The following SLC9A1 variants were observed in gnomAD, a reference collection of about 807,000 sequenced individuals.
SLC9A1 encodes the protein solute carrier family 9 member A1.
A neutral mutation model predicts 67.9 loss-of-function variants in SLC9A1; 22 were observed. That is an observed-to-expected ratio of 0.32 (90% CI 0.23 to 0.46). SLC9A1 has a LOEUF of 0.46. Ranked by LOEUF, SLC9A1 falls within the 20% of genes least tolerant of loss-of-function variation. The probability of loss-of-function intolerance (pLI) is 1.00; values close to 1 mark genes in which losing one functional copy is unlikely to be tolerated. For missense variants in SLC9A1, 686 were observed against 1,094.8 expected (o/e 0.63, Z 5.27); for synonymous variants, 421 against 471.8 (o/e 0.89, Z 1.40).
chr1:27,154,008 G>T lies in SLC9A1; in HGVS notation c.327C>A (p.Ile109=). ...VRTPFEISLW[I]LLACLMKIGF... ...CTATCTTCATGAGGCAGGCCAGAAG[G>T]ATCCAGAGGGAGATCTCGAAGGGGG... The change falls in exon 1 of 12, where the codon ATC becomes ATA. Residue 109 remains isoleucine (I), a synonymous_variant. Coordinates refer to ENST00000263980, the MANE Select transcript of SLC9A1 (RefSeq NM_003047.5). The T allele has an allele frequency of 1.3e-6, 2 of 1,579,518 alleles. No homozygotes were observed. The highest frequency in any genetic ancestry group is 1.2e-5 in the South Asian group (1 of 85,750).
At chr1:27,130,834 T>A (rs1422962923) in intron 1 of SLC9A1, among the ~76,000 whole-genome samples, 3 of 152,206 alleles carry the variant, frequency 2.0e-5, no homozygotes, top group African/African-American at 4.8e-5. Flanking sequence ...GGTTAACTGC[T>A]TCCTGCTGGC....
At chr1:27,113,413 G>A (rs946805082) in intron 2 of SLC9A1, among the ~76,000 whole-genome samples, 10 of 152,094 alleles carry the variant, frequency 6.6e-5, no homozygotes, top group South Asian at 4.1e-4. Context: ...AGTTATGACC[G>A]TACCAGTTCA....
Position 27,108,664 on chromosome 1 carries a change from C to A in SLC9A1, c.1065-799G>T, listed in dbSNP as rs1024625380. Among the ~76,000 whole-genome samples, 20 of 151,884 alleles carry A rather than the reference C, an allele frequency of 1.3e-4. 1 individual carries two copies. On this transcript the variant is annotated intron_variant, in intron 3 of 11. Coordinates refer to ENST00000263980, the MANE Select transcript of SLC9A1 (RefSeq NM_003047.5). Reference sequence around the variant, plus strand: ...AGCCTGGGTGACAAGAGTGGGACCCCGTCTCAAATAAAAAAATGAGAGATC... The same window carrying A: ...AGCCTGGGTGACAAGAGTGGGACCCAGTCTCAAATAAAAAAATGAGAGATC...
chr1:27,103,663 C>T (rs886925292), intron 5 of SLC9A1: 2 of 315,210 alleles, frequency 6.3e-6, no homozygotes, highest in African/African-American at 4.2e-5. Flanking sequence ...GGGAAAACTA[C>T]CTCTGCACTG....
chr1:27,100,672 G>C lies in SLC9A1; in HGVS notation c.2111-28C>G. 6.4e-7 allele frequency: 1 copy of C among 1,568,814 alleles called. No homozygotes were observed. The highest frequency in any genetic ancestry group is 1.2e-5 in the South Asian group (1 of 84,440). On this transcript the variant is annotated intron_variant, in intron 11 of 11. Transcript: ENST00000263980. This position sits in a 1 kb window ranked among gnomAD's most constrained non-coding sequence, Gnocchi z 5.6. Reference sequence around the variant, plus strand: ...GGGGACCAAGAGCAAGGCACAAGCTGGGTTCCGCTCTGGAGCCCGGCCCAG... The same window carrying C: ...GGGGACCAAGAGCAAGGCACAAGCTCGGTTCCGCTCTGGAGCCCGGCCCAG...
chr1:27,150,268 G>T (rs553018888), intron 1 of SLC9A1, among the ~76,000 whole-genome samples: 1 of 152,112 alleles, frequency 6.6e-6, no homozygotes, highest in Admixed American at 6.5e-5. Flanking sequence ...GATTCGCCTT[G>T]CAAAGACCAA....
In SLC9A1 at chr1:27,101,838, A is replaced by T; in HGVS notation, c.1936-12T>A. 1.2e-6 allele frequency: 2 copies of T among 1,600,626 alleles called. No individual in the cohort carries two copies. The highest frequency in any genetic ancestry group is 1.7e-6 in the Non-Finnish European group (2 of 1,170,086). On this transcript the variant is annotated splice_polypyrimidine_tract_variant and intron_variant, in intron 9 of 11. Transcript: ENST00000263980. This position sits in a 1 kb window ranked among gnomAD's most constrained non-coding sequence, Gnocchi z 4.9. ...TTGTAGGACCGCAGCTGTGGGAGGGACAGCGTCAGGGCAGTGCGGGCCCCG... is the reference window on the plus strand; with the variant it reads ...TTGTAGGACCGCAGCTGTGGGAGGGTCAGCGTCAGGGCAGTGCGGGCCCCG...
chr1:27,139,673 G>A lies in SLC9A1; in HGVS notation c.352+14310C>T, dbSNP rs115609922. Among the ~76,000 whole-genome samples, 656 of 152,232 alleles carry A rather than the reference G, an allele frequency of 4.3e-3. 2 individuals carry two copies. The highest frequency in any genetic ancestry group is 0.015 in the African/African-American group (630 of 41,538). On this transcript the variant is annotated intron_variant, in intron 1 of 11. Transcript: ENST00000263980. ...TGTTTGGGGGTGAGGTGGAAGGGTT[G>A]GAAACATCCCAATGAGTTTTAGAAG... is the stretch of plus-strand genomic sequence containing the variant.
intron 1 of SLC9A1, among the ~76,000 whole-genome samples, chr1:27,141,868 A>T (rs1055040805): frequency 4.6e-5 from 7 of 152,128 alleles, no homozygotes; most frequent in African/African-American, 1.7e-4. Context: ...GCCACCGGGG[A>T]GATAAGATCT....
Position 27,154,294 on chromosome 1 carries a change from C to G in SLC9A1, c.41G>C (p.Arg14Pro). 6.2e-7 allele frequency: 1 copy of G among 1,608,266 alleles called. No individual in the cohort carries two copies. The highest frequency in any genetic ancestry group is 8.5e-7 in the Non-Finnish European group (1 of 1,176,576). The change falls in exon 1 of 12, where the codon CGG becomes CCG. Residue 14 changes from arginine (R) to proline (P), a missense_variant. By Grantham distance (103) the Arg-to-Pro change is moderately radical (BLOSUM62 -2). This residue lies in a region of SLC9A1 where 143 missense variants were observed against 166.7 expected (regional missense o/e 0.86). Transcript: ENST00000263980. ...CACCACGAGTAAGGAAGGGAAGATC[C>G]GATGTGGAGAGAGGCCACAGATGCC... ...RSGICGLSPH[R>P]IFPSLLVVVA... is the part of the protein sequence containing the mutation.
At position 27,106,762 on chromosome 1, in the gene SLC9A1, C is replaced by T. The variant is rs975171067; in HGVS notation, c.1283-675G>A. Among the ~76,000 whole-genome samples the T allele has an allele frequency of 7.9e-5, 12 of 152,132 alleles. No homozygotes were observed. The highest frequency in any genetic ancestry group is 2.2e-4 in the African/African-American group (9 of 41,476). On this transcript the variant is annotated intron_variant, in intron 4 of 11. Coordinates refer to ENST00000263980, the MANE Select transcript of SLC9A1 (RefSeq NM_003047.5). This position sits in a 1 kb window ranked among gnomAD's most constrained non-coding sequence, Gnocchi z 4.3. The stretch of plus-strand genomic sequence containing the variant: ...TGCTGCATAGGTTTGGAGGACTGCA[C>T]GTGGCTCTGCATGCGATTCGGCACA...
rs140421297 is a variant in SLC9A1 at position 27,101,749 on chromosome 1, C to T, written c.2013G>A (p.Gln671=). 35 of 1,612,998 alleles carry T rather than the reference C, an allele frequency of 2.2e-5. No individual in the cohort carries two copies. In the African/African-American group the frequency reaches 4.5e-4, roughly 21 times the overall value. ...EAWNQMLLRR[Q]KARQLEQKIN... ...CCTTCTGCTCCAGCTGCCGGGCCTT[C>T]TGCCTCCGGAGCAGCATCTGGTTCC... The change falls in exon 10 of 12, where the codon CAG becomes CAA. Residue 671 remains glutamine (Q), a synonymous_variant. Coordinates refer to ENST00000263980, the MANE Select transcript of SLC9A1 (RefSeq NM_003047.5). The surrounding 1 kb of genome is among the most constrained non-coding windows in gnomAD (Gnocchi z 4.9).
At chr1:27,144,342 A>C (rs2083468809) in intron 1 of SLC9A1, among the ~76,000 whole-genome samples, 1 of 152,212 alleles carries the variant, frequency 6.6e-6, no homozygotes, top group Admixed American at 6.5e-5. Context: ...AATTGAGGGC[A>C]GACCAAACAG....
chr1:27,101,940 G>A lies in SLC9A1; in HGVS notation c.1935+76C>T. 7.0e-7 allele frequency: 1 copy of A among 1,422,700 alleles called. No homozygotes were observed. Among genetic ancestry groups the A allele is most frequent in the Non-Finnish European group, 9.9e-7 (1 of 1,010,370 alleles). 88.1% of individuals were successfully genotyped at this position (1,422,700 alleles called of 1,614,324 possible). A position where few individuals can be genotyped will look rare whatever the true frequency, so the allele number is the denominator to read the frequency against. On this transcript the variant is annotated intron_variant, in intron 9 of 11. Coordinates refer to ENST00000263980, the MANE Select transcript of SLC9A1 (RefSeq NM_003047.5). The surrounding 1 kb of genome is among the most constrained non-coding windows in gnomAD (Gnocchi z 4.9). ...CTGGGGTGGGTGCCGAGGGGCACGG[G>A]CAGGGCAGGGCTGCCGTAGAGAGGG... is the stretch of plus-strand genomic sequence containing the variant.
At position 27,099,730 on chromosome 1, in the gene SLC9A1, T is replaced by G. The variant is rs1451505234; in HGVS notation, c.*577A>C. 1 of 152,428 alleles carries G rather than the reference T, an allele frequency of 6.6e-6. No homozygotes were observed. Among genetic ancestry groups the G allele is most frequent in the Non-Finnish European group, 1.5e-5 (1 of 68,200 alleles). The allele number at this position is 152,428 out of a possible 1,614,324, so 9.4% of individuals were successfully genotyped here. On this transcript the variant is annotated 3_prime_UTR_variant, in exon 12 of 12. Transcript: ENST00000263980. ...CCACCCCTGCTCCAGGCAGAGACAC[T>G]CAGAGATGCCCTCAGCCCGCAGCTC...
chr1:27,128,174 A>G (rs933043934), intron 1 of SLC9A1, among the ~76,000 whole-genome samples: 28 of 152,168 alleles, frequency 1.8e-4, no homozygotes, highest in Non-Finnish European at 4.1e-4. Flanking sequence ...CTGGTCCATC[A>G]ATGAGGGAGG....
chr1:27,122,154 G>C (rs543889047), intron 1 of SLC9A1, among the ~76,000 whole-genome samples: 1 of 152,066 alleles, frequency 6.6e-6, no homozygotes, highest in East Asian at 1.9e-4. Context: ...CCCAGTGCAG[G>C]TGTCACCTCC....
chr1:27,103,843 T>A (rs369723296), intron 5 of SLC9A1: 1 of 155,468 alleles, frequency 6.4e-6, no homozygotes, highest in Non-Finnish European at 1.4e-5. Context: ...ATTTAACAGA[T>A]GCAGAAACTG....
At position 27,109,612 on chromosome 1, in the gene SLC9A1, G is replaced by A; in HGVS notation, c.979C>T (p.Arg327Trp). The change falls in exon 3 of 12, where the codon CGG (arginine) becomes TGG (tryptophan). Residue 327 changes from arginine (R) to tryptophan (W), a missense_variant. This residue lies in a region of SLC9A1 where 58 missense variants were observed against 68.9 expected (regional missense o/e 0.84). Transcript: ENST00000263980. The surrounding 1 kb of genome is among the most constrained non-coding windows in gnomAD (Gnocchi z 5.5). ...AFTSRFTSHI[R>W]VIEPLFVFLY... ...AAGACGAAGAGCGGCTCGATGACCCGGATGTGGGAGGTAAATCGGGAGGTG... is the reference window on the plus strand; with the variant it reads ...AAGACGAAGAGCGGCTCGATGACCCAGATGTGGGAGGTAAATCGGGAGGTG... The A allele has an allele frequency of 6.2e-7, 1 of 1,613,834 alleles. No individual in the cohort carries two copies. Among genetic ancestry groups the A allele is most frequent in the Non-Finnish European group, 8.5e-7 (1 of 1,179,960 alleles).
Sources: gnomAD v4.1 joint callset for allele counts (sites outside exome capture counted in the v4.1 genomes callset) on GRCh38, gnomAD v4.1.1 for gene constraint, gnomAD v4.1.1 regional missense constraint, Gnocchi (gnomAD v3.1) non-coding constraint, MANE v1.5 for transcripts, NCBI Gene and HGNC (gene_info 2026-07-23, HGNC 2026-07-21) for gene names.